Variants in RPS6KA5 observed in about 807,000 individuals in gnomAD.
The protein encoded by RPS6KA5 is ribosomal protein S6 kinase alpha-5.
Under a neutral mutation model 85.5 loss-of-function variants are expected in RPS6KA5, and 27 were observed. That is an observed-to-expected ratio of 0.32 (90% CI 0.23 to 0.44). The LOEUF is 0.44. RPS6KA5 is among the 20% of genes least tolerant of loss of function. The pLI is 1.00. For missense variants in RPS6KA5, 811 were observed against 980.9 expected (o/e 0.83, Z 2.31); for synonymous variants, 334 against 348.2 (o/e 0.96, Z 0.46).
At chr14:91,004,261 A>G (rs940887483) in intron 1 of RPS6KA5, among the ~76,000 whole-genome samples, 2 of 151,906 alleles carry the variant, frequency 1.3e-5, no homozygotes, top group African/African-American at 4.8e-5. Flanking sequence ...AATTTTTTGT[A>G]TTTTTAGTAG....
chr14:90,899,695 G>T (rs905924943), intron 11 of RPS6KA5, among the ~76,000 whole-genome samples: 2 of 152,142 alleles, frequency 1.3e-5, no homozygotes, highest in African/African-American at 4.8e-5. Context: ...ATAAGAATAT[G>T]CAATCTTAAT....
At chr14:90,873,004 T>A (rs2033219726) in intron 16 of RPS6KA5, among the ~76,000 whole-genome samples, 1 of 152,240 alleles carries the variant, frequency 6.6e-6, no homozygotes, top group African/African-American at 2.4e-5. Context: ...TATTACTTTT[T>A]AAATCCATTT....
chr14:90,988,933 T>G (rs1217218024), intron 2 of RPS6KA5, among the ~76,000 whole-genome samples: 1 of 152,262 alleles, frequency 6.6e-6, no homozygotes, highest in East Asian at 1.9e-4. Flanking sequence ...ATTAGCAACA[T>G]CTCATTTATG....
intron 5 of RPS6KA5, among the ~76,000 whole-genome samples, chr14:90,923,770 C>T (rs978228932): frequency 6.6e-6 from 1 of 151,580 alleles, no homozygotes; most frequent in African/African-American, 2.4e-5. Flanking sequence ...TTATGTTTAA[C>T]GATGGTAAAC....
intron 1 of RPS6KA5, among the ~76,000 whole-genome samples, chr14:91,025,137 A>C (rs1595498939): frequency 6.6e-6 from 1 of 151,896 alleles, no homozygotes; most frequent in Non-Finnish European, 1.5e-5. Flanking sequence ...CTCAGCCCCC[A>C]GGGTTCAAGC....
At chr14:90,975,538 G>A (rs2140469858) in intron 3 of RPS6KA5, among the ~76,000 whole-genome samples, 1 of 152,312 alleles carries the variant, frequency 6.6e-6, no homozygotes, top group South Asian at 2.1e-4. Context: ...ATGTGAAGAG[G>A]TGGTAAGACA....
chr14:90,863,690 A>C lies in RPS6KA5; in HGVS notation c.*8384T>G, dbSNP rs1321540887. Reference sequence around the variant, plus strand: ...AAAACTGTCAAAAACCTAGATATAAATCTAACCTCTACATGTAAATCTATA... The same window carrying C: ...AAAACTGTCAAAAACCTAGATATAACTCTAACCTCTACATGTAAATCTATA... On this transcript the variant is annotated 3_prime_UTR_variant, in exon 17 of 17. Transcript: ENST00000614987. 6.6e-6 allele frequency: 1 copy of C among 152,212 alleles called. No homozygotes were observed. The highest frequency in any genetic ancestry group is 1.5e-5 in the Non-Finnish European group (1 of 68,028). 9.4% of individuals were successfully genotyped at this position (152,212 alleles called of 1,614,324 possible).
intron 5 of RPS6KA5, among the ~76,000 whole-genome samples, chr14:90,933,345 C>A (rs1243418538): frequency 6.6e-6 from 1 of 152,108 alleles, no homozygotes; most frequent in East Asian, 1.9e-4. Context: ...CCTCTTGTAA[C>A]CCCAGATAGC....
rs2033116240 is a variant in RPS6KA5, at chr14:90,871,551, C to A, written c.*523G>T. The A allele has an allele frequency of 6.7e-6, 1 of 148,688 alleles. No individual in the cohort carries two copies. Among genetic ancestry groups the A allele is most frequent in the Non-Finnish European group, 1.5e-5 (1 of 67,388 alleles). The allele number at this position is 148,688 out of a possible 1,614,324, so 9.2% of individuals were successfully genotyped here. On this transcript the variant is annotated 3_prime_UTR_variant, in exon 17 of 17. Coordinates refer to ENST00000614987, the MANE Select transcript of RPS6KA5 (RefSeq NM_004755.4). ...AATAGCAGGTTATCATCATATGTAACCATAAAATAAAAACAATAAGTTAAA... is the reference window on the plus strand; with the variant it reads ...AATAGCAGGTTATCATCATATGTAAACATAAAATAAAAACAATAAGTTAAA...
At chr14:90,930,309 A>G (rs1244909025) in intron 5 of RPS6KA5, among the ~76,000 whole-genome samples, 3 of 152,228 alleles carry the variant, frequency 2.0e-5, no homozygotes, top group Admixed American at 6.5e-5. Context: ...ATTTCGAATA[A>G]GAAGAGAAAA....
chr14:91,006,724 A>C (rs2041035076), intron 1 of RPS6KA5, among the ~76,000 whole-genome samples: 1 of 152,140 alleles, frequency 6.6e-6, no homozygotes. Flanking sequence ...TTTCTTCTCC[A>C]TTCTAACCTT....
intron 2 of RPS6KA5, among the ~76,000 whole-genome samples, chr14:90,983,805 C>CTCTG (rs2039923787): frequency 3.2e-5 from 4 of 125,238 alleles, no homozygotes; most frequent in Admixed American, 8.3e-5. Context: ...CTCTCTCTCT[C>CTCTG]TCTCTCTCTC....
intron 1 of RPS6KA5, among the ~76,000 whole-genome samples, chr14:91,043,317 T>TAC (rs1224931173): frequency 6.6e-6 from 1 of 152,184 alleles, no homozygotes; most frequent in Non-Finnish European, 1.5e-5. Context: ...TCTAACCTAC[T>TAC]ACCTTGGCTT....
intron 7 of RPS6KA5, among the ~76,000 whole-genome samples, chr14:90,916,931 T>C (rs2140280532): frequency 6.6e-6 from 1 of 152,334 alleles, no homozygotes; most frequent in South Asian, 2.1e-4. Context: ...ATTCTTGCCA[T>C]CATAAGAAAT....
chr14:90,917,441 T>G (rs1355615010), intron 7 of RPS6KA5, among the ~76,000 whole-genome samples: 2 of 151,988 alleles, frequency 1.3e-5, no homozygotes, highest in Non-Finnish European at 2.9e-5. Flanking sequence ...TGGAAGAAAA[T>G]GTTCTAAGTT....
chr14:91,015,303 G>A (rs868211850), intron 1 of RPS6KA5, among the ~76,000 whole-genome samples: 4 of 151,850 alleles, frequency 2.6e-5, no homozygotes, highest in Non-Finnish European at 5.9e-5. Flanking sequence ...TCAAATTAAG[G>A]TATACCTTCA....
chr14:90,963,343 A>G (rs1302726840), intron 3 of RPS6KA5, among the ~76,000 whole-genome samples: 3 of 152,232 alleles, frequency 2.0e-5, no homozygotes, highest in African/African-American at 4.8e-5. Context: ...TGGAGTCACT[A>G]AAGTGGAGTT....
intron 1 of RPS6KA5, among the ~76,000 whole-genome samples, chr14:91,056,693 G>C (rs1286510536): frequency 2.0e-5 from 3 of 152,056 alleles, no homozygotes; most frequent in Admixed American, 1.3e-4. Context: ...GTATGTAAGA[G>C]GAAATAAAAT....
At chr14:90,884,915 CTTT>C (rs1183015970) in intron 14 of RPS6KA5, among the ~76,000 whole-genome samples, 1 of 152,152 alleles carries the variant, frequency 6.6e-6, no homozygotes, top group African/African-American at 2.4e-5. Context: ...TGCTCTACTT[CTTT>C]GTCCTGCCCC....
Sources: allele counts gnomAD v4.1 joint callset (sites outside exome capture counted in the v4.1 genomes callset), GRCh38; gene constraint gnomAD v4.1.1; transcripts MANE v1.5; gene names NCBI Gene and HGNC (gene_info 2026-07-23, HGNC 2026-07-21).